Variants in RIN2 observed in about 807,000 individuals in gnomAD.
The protein encoded by RIN2 is RAB5 interacting protein 2.
RIN2 carries 36 observed loss-of-function variants against 78.0 expected under a neutral mutation model. That is an observed-to-expected ratio of 0.46 (90% CI 0.35 to 0.61). The LOEUF (loss-of-function observed/expected upper bound fraction) is 0.61. RIN2 is among the 20% of genes least tolerant of loss of function. The probability of loss-of-function intolerance (pLI) is 0.00; values close to 1 mark genes in which losing one functional copy is unlikely to be tolerated. For missense variants in RIN2, 1,087 were observed against 1,159.7 expected (o/e 0.94, Z 0.91); for synonymous variants, 466 against 466.8 (o/e 1.00, Z 0.02).
At chr20:19,927,654 A>G (rs1600833888) in intron 3 of RIN2, among the ~76,000 whole-genome samples, 4 of 152,004 alleles carry the variant, frequency 2.6e-5, no homozygotes, top group Admixed American at 2.0e-4. Flanking sequence ...AGTTCAGGCA[A>G]TCTGCCCACC....
At chr20:19,873,786 A>G (rs6035465) in intron 2 of RIN2, among the ~76,000 whole-genome samples, 3 of 152,352 alleles carry the variant, frequency 2.0e-5, no homozygotes, top group African/African-American at 7.2e-5. Flanking sequence ...TGAGTTTTCT[A>G]CAATTTACAG....
chr20:19,947,194 G>A (rs190655836), intron 4 of RIN2, among the ~76,000 whole-genome samples: 2 of 151,938 alleles, frequency 1.3e-5, no homozygotes, highest in East Asian at 3.9e-4. Flanking sequence ...TAACAACATT[G>A]AGATATTACA....
Position 19,975,710 on chromosome 20 carries a change from C to T in RIN2, c.1685C>T (p.Thr562Ile), listed in dbSNP as rs1313389499. The T allele has an allele frequency of 1.2e-6, 2 of 1,613,536 alleles. No individual in the cohort carries two copies. The highest frequency in any genetic ancestry group is 1.7e-6 in the Non-Finnish European group (2 of 1,179,868). ...CTGCAGACCATCCGGCAGTTCATGA[C>T]CCAGGTCAAGAACTATTTGTCTCAG... is the stretch of plus-strand genomic sequence containing the variant. Reference protein sequence around the residue: ...DMLQTIRQFMTQVKNYLSQSS... With the variant: ...DMLQTIRQFMIQVKNYLSQSS... Residue 562 changes from threonine (T) to isoleucine (I), a missense_variant, in exon 9 of 13, where the codon ACC (threonine) becomes ATC (isoleucine). This residue lies in a region of RIN2 where 39 missense variants were observed against 34.9 expected (regional missense o/e 1.12). Coordinates refer to ENST00000255006, the MANE Select transcript of RIN2 (RefSeq NM_018993.4). The surrounding 1 kb of genome is among the most constrained non-coding windows in gnomAD (Gnocchi z 4.9).
chr20:19,833,427 A>G (rs2036310781), intron 2 of RIN2, among the ~76,000 whole-genome samples: 1 of 152,134 alleles, frequency 6.6e-6, no homozygotes, highest in East Asian at 1.9e-4. Flanking sequence ...CGACTCCCCA[A>G]CAGGACCCGG....
intron 2 of RIN2, among the ~76,000 whole-genome samples, chr20:19,844,173 G>A (rs1350492311): frequency 6.6e-6 from 1 of 152,146 alleles, no homozygotes. Flanking sequence ...ATTGGAAACA[G>A]TTTGTAATTT....
At chr20:19,968,491 G>T (rs2042007870) in intron 7 of RIN2, among the ~76,000 whole-genome samples, 1 of 152,142 alleles carries the variant, frequency 6.6e-6, no homozygotes, top group Non-Finnish European at 1.5e-5. Flanking sequence ...GTGTGTGCAT[G>T]TGTGTGTGAA....
rs552217153 is a variant in RIN2, at chr20:19,899,066, TTAA to T, written c.57+9413_57+9415del. On this transcript the variant is annotated intron_variant, in intron 3 of 12. Coordinates refer to ENST00000255006, the MANE Select transcript of RIN2 (RefSeq NM_018993.4). Reference sequence around the variant, plus strand: ...ATCTATTTCCAAGTCTGAGTGTTTCTTAATAATTACTGCTGAAATGGCTTATTC... The same window carrying T: ...ATCTATTTCCAAGTCTGAGTGTTTCTTAATTACTGCTGAAATGGCTTATTC... Among the ~76,000 whole-genome samples the T allele has an allele frequency of 8.7e-4, 133 of 152,346 alleles. 1 individual carries two copies. The highest frequency in any genetic ancestry group is 8.5e-3 in the South Asian group (41 of 4,826).
At chr20:19,921,422 AT>A (rs1336082087) in intron 3 of RIN2, among the ~76,000 whole-genome samples, 5 of 152,086 alleles carry the variant, frequency 3.3e-5, no homozygotes, top group African/African-American at 1.2e-4. Flanking sequence ...CTCTGTCCTG[AT>A]TTACCCCCTG....
At chr20:19,839,730 T>A (rs1297387731) in intron 2 of RIN2, among the ~76,000 whole-genome samples, 1 of 152,188 alleles carries the variant, frequency 6.6e-6, no homozygotes, top group Non-Finnish European at 1.5e-5. Flanking sequence ...CTTTTCTTTG[T>A]GCAATATGGC....
intron 3 of RIN2, among the ~76,000 whole-genome samples, chr20:19,916,354 C>T (rs1294604486): frequency 3.3e-5 from 5 of 152,360 alleles, no homozygotes; most frequent in African/African-American, 9.6e-5. Context: ...TGTAGTGGCT[C>T]ACGCCCATAA....
At chr20:19,856,342 C>A (rs979238932) in intron 2 of RIN2, among the ~76,000 whole-genome samples, 1 of 151,808 alleles carries the variant, frequency 6.6e-6, no homozygotes, top group African/African-American at 2.4e-5. Flanking sequence ...TAGTGACAAC[C>A]CATCTCTACA....
At chr20:19,813,942 C>G (rs1228978321) in intron 2 of RIN2, among the ~76,000 whole-genome samples, 5 of 152,110 alleles carry the variant, frequency 3.3e-5, no homozygotes, top group Non-Finnish European at 7.4e-5. Context: ...GAAAACTAGA[C>G]ATGTTTATAA....
In RIN2 at chr20:19,956,648, G is replaced by A. The variant is rs768375582; in HGVS notation, c.192G>A (p.Glu64=). 1.9e-6 allele frequency: 3 copies of A among 1,613,376 alleles called. No individual in the cohort carries two copies. Among genetic ancestry groups the A allele is most frequent in the Non-Finnish European group, 2.5e-6 (3 of 1,179,728 alleles). Residue 64 remains glutamate, a synonymous_variant, in exon 5 of 13, where the codon GAG becomes GAA. Transcript: ENST00000255006. ...MVRHKDGGYS[E]EEDVKTCARD... ...GACACAAGGATGGTGGCTATTCCGA[G>A]GAAGAGGACGTGAAGACCTGTGCCC...
At chr20:19,809,531 C>A (rs1568771711) in intron 2 of RIN2, 1 of 152,278 alleles carries the variant, frequency 6.6e-6, no homozygotes, top group Non-Finnish European at 1.5e-5. Context: ...TTAGGTGCAT[C>A]CTTCGAATGT....
Position 19,995,769 on chromosome 20 carries a change from T to C in RIN2, c.2201-910T>C, listed in dbSNP as rs560028306. Among the ~76,000 whole-genome samples, 80 of 152,342 alleles carry C rather than the reference T, an allele frequency of 5.3e-4. 1 individual carries two copies. The highest frequency in any genetic ancestry group is 5.9e-4 in the Non-Finnish European group (40 of 68,034). Reference sequence around the variant, plus strand: ...TTGCGAACAGTTCTTTCAAAGTGTATAGTTTACTTAAGATTTAGAAAATAC... The same window carrying C: ...TTGCGAACAGTTCTTTCAAAGTGTACAGTTTACTTAAGATTTAGAAAATAC... On this transcript the variant is annotated intron_variant, in intron 11 of 12. Coordinates refer to ENST00000255006, the MANE Select transcript of RIN2 (RefSeq NM_018993.4).
chr20:19,914,900 A>G (rs2039622448), intron 3 of RIN2, among the ~76,000 whole-genome samples: 1 of 152,154 alleles, frequency 6.6e-6, no homozygotes, highest in East Asian at 1.9e-4. Flanking sequence ...AGATGAGACT[A>G]AGGTGGCACT....
intron 2 of RIN2, chr20:19,823,902 G>A (rs1181618811): frequency 1.3e-6 from 2 of 1,596,576 alleles, no homozygotes; most frequent in Non-Finnish European, 1.7e-6. Context: ...TGCACCTCAG[G>A]TATACGACTT....
At chr20:19,908,686 C>T (rs2123705230) in intron 3 of RIN2, among the ~76,000 whole-genome samples, 1 of 152,260 alleles carries the variant, frequency 6.6e-6, no homozygotes, top group Admixed American at 6.5e-5. Flanking sequence ...AAGTTCAAAG[C>T]TTTTCAGAAT....
chr20:19,927,060 G>A (rs904308665), intron 3 of RIN2, among the ~76,000 whole-genome samples: 8 of 152,160 alleles, frequency 5.3e-5, no homozygotes, highest in African/African-American at 1.9e-4. Context: ...CTAGGTTAGA[G>A]GCTTCTGAGC....
Sources: allele counts gnomAD v4.1 joint callset (sites outside exome capture counted in the v4.1 genomes callset), GRCh38; gene constraint gnomAD v4.1.1; regional missense constraint gnomAD v4.1.1; non-coding constraint Gnocchi (gnomAD v3.1); transcripts MANE v1.5; gene names NCBI Gene and HGNC (gene_info 2026-07-23, HGNC 2026-07-21).